Variants in KNDC1 observed in about 807,000 individuals in gnomAD.
KNDC1 encodes the protein kinase non-catalytic C-lobe domain containing 1.
KNDC1 carries 106 observed loss-of-function variants against 172.8 expected under a neutral mutation model. The ratio of observed to expected loss-of-function variants is 0.61; its 90% CI spans 0.52 to 0.72. The LOEUF (loss-of-function observed/expected upper bound fraction) is 0.72. Among genes scored for constraint, KNDC1 ranks in the 30% least tolerant of loss-of-function variants. The pLI, the probability that KNDC1 is intolerant of heterozygous loss-of-function variation, is 0.00. For synonymous variants in KNDC1, 1,083 were observed against 1,062.2 expected, an observed-to-expected ratio of 1.02 and a Z score of -0.38; for missense variants, 2,325 against 2,394.5, an observed-to-expected ratio of 0.97 and a Z score of 0.61.
In KNDC1 at chr10:133,200,459, G is replaced by A. The variant is rs757182451; in HGVS notation, c.2988G>A (p.Leu996=). 3 of 1,573,464 alleles carry A rather than the reference G, an allele frequency of 1.9e-6. No homozygotes were observed. Among genetic ancestry groups the A allele is most frequent in the Non-Finnish European group, 2.6e-6 (3 of 1,161,614 alleles). The change falls in exon 16 of 30, where the codon CTG becomes CTA. Residue 996 remains leucine (L), a splice_region_variant and synonymous_variant. Coordinates refer to ENST00000304613, the MANE Select transcript of KNDC1 (RefSeq NM_152643.8). ...GCAAGAGGCCGTCGCTGCACCGCCT[G>A]GGTAAGTGCTGGGCGGGCCCCGCGG... The part of the protein sequence containing the change: ...PSSKRPSLHR[L]GKEKPAMART...
chr10:133,210,592 C>T lies in KNDC1; in HGVS notation c.3795-19C>T, dbSNP rs766700742. ...TGCGGCCACCCCACCACCTCACCGC[C>T]GCCCGCCCCGCCCCACAGTGATGCC... On this transcript the variant is annotated intron_variant, in intron 20 of 29. Coordinates refer to ENST00000304613, the MANE Select transcript of KNDC1 (RefSeq NM_152643.8). 2.6e-5 allele frequency: 40 copies of T among 1,550,422 alleles called. No homozygotes were observed. Among genetic ancestry groups the T allele is most frequent in the Admixed American group, 6.7e-5 (4 of 59,884 alleles).
Position 133,207,289 on chromosome 10 carries a change from G to A in KNDC1, c.3732G>A (p.Arg1244=), listed in dbSNP as rs1397324808. 12 of 1,612,868 alleles carry A rather than the reference G, an allele frequency of 7.4e-6. No homozygotes were observed. Among genetic ancestry groups the A allele is most frequent in the Admixed American group, 1.7e-5 (1 of 60,000 alleles). The change falls in exon 20 of 30, where the codon CGG becomes CGA. Residue 1244 remains arginine, a synonymous_variant. Coordinates refer to ENST00000304613, the MANE Select transcript of KNDC1 (RefSeq NM_152643.8). Reference sequence around the variant, plus strand: ...ACGTCAACAAGCACCCGGGCGGCCGGCAGAAGGCCCGCATCCTGCAGGCCG... The same window carrying A: ...ACGTCAACAAGCACCCGGGCGGCCGACAGAAGGCCCGCATCCTGCAGGCCG... ...FYNVNKHPGG[R]QKARILQAGT...
intron 7 of KNDC1, 43 bp from the exon 8 acceptor site, chr10:133,189,555 C>G (rs763672049): frequency 6.3e-7 from 1 of 1,577,130 alleles, no homozygotes; most frequent in East Asian, 2.2e-5. Flanking sequence ...GCCCCAAGTG[C>G]GGGGCAGCAT....
intron 26 of KNDC1, among the ~76,000 whole-genome samples, chr10:133,214,931 G>T (rs1351904240): frequency 6.6e-6 from 1 of 152,162 alleles, no homozygotes; most frequent in Admixed American, 6.5e-5. Context: ...AGCTTCTCAG[G>T]AGGCCAGAGT....
chr10:133,202,395 C>T (rs770367942), intron 17 of KNDC1: 14 of 432,422 alleles, frequency 3.2e-5, no homozygotes, highest in South Asian at 2.1e-4. Context: ...GCTGCAACTC[C>T]TCCCTGGCCA....
At chr10:133,189,963 G>C in intron 9 of KNDC1, 150 bp downstream of exon 9, 1 of 719,360 alleles carries the variant, frequency 1.4e-6, no homozygotes, top group Admixed American at 2.1e-5. Context: ...TCTGCCAGCA[G>C]GGCCGTGGCT....
intron 3 of KNDC1, among the ~76,000 whole-genome samples, chr10:133,181,116 C>T (rs1046770227): frequency 1.3e-5 from 2 of 151,748 alleles, no homozygotes; most frequent in African/African-American, 2.4e-5. Context: ...CACCCACAGA[C>T]GCCACACGGG....
At chr10:133,199,741 T>G in intron 15 of KNDC1, 139 bp downstream of exon 15, 3 of 960,526 alleles carry the variant, frequency 3.1e-6, no homozygotes, top group Non-Finnish European at 4.6e-6. Flanking sequence ...GGGGCTACCC[T>G]TGGTGGAGAT....
chr10:133,213,784 G>GT, intron 25 of KNDC1, 57 bp downstream of exon 25: 1 of 1,541,410 alleles, frequency 6.5e-7, no homozygotes, highest in African/African-American at 1.4e-5. Context: ...GGGGCTTCCC[G>GT]TAAGAGTCTT....
chr10:133,184,162 G>A (rs1853813520), intron 5 of KNDC1, among the ~76,000 whole-genome samples, 173 bp downstream of exon 5: 1 of 128,620 alleles, frequency 7.8e-6, no homozygotes, highest in South Asian at 2.4e-4. Flanking sequence ...CACACACACT[G>A]CACACACACC....
chr10:133,175,842 G>A (rs1853519670), intron 3 of KNDC1, among the ~76,000 whole-genome samples: 4 of 151,724 alleles, frequency 2.6e-5, no homozygotes, highest in Admixed American at 2.6e-4. Flanking sequence ...GGGTGGATGG[G>A]TGAGTGGACG....
chr10:133,210,579 A>T (rs1371171983), intron 20 of KNDC1, 32 bp from the exon 21 acceptor site: 1 of 1,174,896 alleles, frequency 8.5e-7, no homozygotes. Context: ...CGGCCACCCC[A>T]CCACCTCACC....
At chr10:133,205,846 C>G (rs759706122) in intron 17 of KNDC1, among the ~76,000 whole-genome samples, 2 of 151,406 alleles carry the variant, frequency 1.3e-5, no homozygotes, top group Non-Finnish European at 2.9e-5. Flanking sequence ...CACTCCAGCC[C>G]GAGTGACAGC....
chr10:133,168,381 A>T, intron 3 of KNDC1, 69 bp downstream of exon 3: 1 of 1,481,622 alleles, frequency 6.7e-7, no homozygotes, highest in Non-Finnish European at 9.4e-7. Context: ...CCATTAACTC[A>T]GAAATGCACC....
chr10:133,185,408 G>T (rs1249271571), intron 5 of KNDC1, among the ~76,000 whole-genome samples: 5 of 145,668 alleles, frequency 3.4e-5, no homozygotes, highest in Non-Finnish European at 7.6e-5. Context: ...AGTAGGCAGT[G>T]TGTGCAGTGT....
Position 133,183,920 on chromosome 10 carries a change from C to T in KNDC1, c.556C>T (p.Arg186Cys), listed in dbSNP as rs913604987. 3.7e-6 allele frequency: 6 copies of T among 1,604,194 alleles called. No individual in the cohort carries two copies. In the African/African-American group the frequency reaches 5.3e-5, roughly 14 times the overall value. Residue 186 changes from arginine to cysteine, a missense_variant, in exon 5 of 30, where the codon CGC (arginine) becomes TGC (cysteine). Transcript: ENST00000304613. ...EEKLQLTSSCRVCRSLSAVGR... is the reference protein window; with the variant it reads ...EEKLQLTSSCCVCRSLSAVGR... ...GAAGCTGCAGCTCACATCCTCCTGT[C>T]GCGTGTGCCGGAGCCTCTCTGCTGT...
chr10:133,167,694 G>A (rs1032405761), intron 2 of KNDC1, 115 bp downstream of exon 2: 143 of 1,200,658 alleles, frequency 1.2e-4, no homozygotes, highest in Non-Finnish European at 1.2e-4. Context: ...GCCCGGACCC[G>A]GGTTTCCTGT....
rs1235089250 is a variant in KNDC1 at position 133,183,943 on chromosome 10, T to G, written c.579T>G (p.Ala193=). Residue 193 remains alanine, a synonymous_variant, in exon 5 of 30, where the codon GCT becomes GCG. Transcript: ENST00000304613. The part of the protein sequence containing the change: ...SSCRVCRSLS[A]VGRRVLSIES... Reference sequence around the variant, plus strand: ...GTCGCGTGTGCCGGAGCCTCTCTGCTGTGGGGAGGAGGGTCCTCTCCATCG... The same window carrying G: ...GTCGCGTGTGCCGGAGCCTCTCTGCGGTGGGGAGGAGGGTCCTCTCCATCG... 3.1e-6 allele frequency: 5 copies of G among 1,602,934 alleles called. No homozygotes were observed. Among genetic ancestry groups the G allele is most frequent in the Non-Finnish European group, 4.3e-6 (5 of 1,171,766 alleles).
intron 20 of KNDC1, 45 bp downstream of exon 20, chr10:133,207,396 G>A (rs1186858999): frequency 5.1e-6 from 8 of 1,577,670 alleles, no homozygotes; most frequent in Non-Finnish European, 6.1e-6. Flanking sequence ...ACGTAGCCCG[G>A]GGTGCTGAGA....
Sources: gnomAD v4.1 joint callset for allele counts (sites outside exome capture counted in the v4.1 genomes callset) on GRCh38, gnomAD v4.1.1 for gene constraint, MANE v1.5 for transcripts, NCBI Gene and HGNC (gene_info 2026-07-23, HGNC 2026-07-21) for gene names.